GART: variants seen among roughly 807,000 people sequenced by gnomAD.
GART encodes phosphoribosylglycinamide formyltransferase, phosphoribosylglycinamide synthetase, phosphoribosylaminoimidazole synthetase.
Under a neutral mutation model 107.2 loss-of-function variants are expected in GART, and 43 were observed. The observed-to-expected ratio is 0.40, with a 90% CI of 0.31 to 0.52. The LOEUF is 0.52. GART is among the 20% of genes least tolerant of loss of function. The pLI is 0.52. For synonymous variants in GART, 434 were observed against 427.0 expected (o/e 1.02, Z -0.20); for missense variants, 1,107 against 1,206.5 (o/e 0.92, Z 1.22).
chr21:33,531,615 G>A (rs2085192627), intron 5 of GART, 58 bp from the exon 6 acceptor site: 4 of 1,435,660 alleles, frequency 2.8e-6, no homozygotes, highest in Non-Finnish European at 3.8e-6. Flanking sequence ...GTAAGTTTTT[G>A]ATACTTAGTT....
At position 33,508,952 on chromosome 21, in the gene GART, A is replaced by C. The variant is rs959605297; in HGVS notation, c.2452+831T>G. Among the ~76,000 whole-genome samples, 7 of 152,352 alleles carry C rather than the reference A, an allele frequency of 4.6e-5. No individual in the cohort carries two copies. In the East Asian group the frequency reaches 1.2e-3, roughly 25 times the overall value. On this transcript the variant is annotated intron_variant, in intron 18 of 21. Transcript: ENST00000381815. ...CCTCCAGTTCCATCCATATTGCTGC[A>C]AATGATGTGGTTTTATTCTTTTTTA... is the stretch of plus-strand genomic sequence containing the variant.
At chr21:33,507,774 G>A (rs1397426960) in intron 18 of GART, among the ~76,000 whole-genome samples, 1 of 152,182 alleles carries the variant, frequency 6.6e-6, no homozygotes, top group African/African-American at 2.4e-5. Context: ...GGAGTTTGCA[G>A]TGAGCCGAGT....
At chr21:33,538,014 G>C (rs577608983) in intron 2 of GART, among the ~76,000 whole-genome samples, 1 of 151,884 alleles carries the variant, frequency 6.6e-6, no homozygotes, top group Non-Finnish European at 1.5e-5. Flanking sequence ...AGGCTGAGGC[G>C]GGCAGATCAC....
At chr21:33,534,430 T>C in intron 4 of GART, 149 bp downstream of exon 4, 1 of 710,152 alleles carries the variant, frequency 1.4e-6, no homozygotes, top group Non-Finnish European at 2.3e-6. Context: ...GTACCCAGGC[T>C]GGTCTCTAAC....
chr21:33,514,707 A>G (rs2084845769), intron 16 of GART, among the ~76,000 whole-genome samples: 1 of 152,196 alleles, frequency 6.6e-6, no homozygotes, highest in African/African-American at 2.4e-5. Flanking sequence ...TTTCTACCCA[A>G]GGAATGTCTT....
At chr21:33,541,235 C>G (rs2145778017) in intron 1 of GART, among the ~76,000 whole-genome samples, 1 of 152,312 alleles carries the variant, frequency 6.6e-6, no homozygotes, top group East Asian at 1.9e-4. Context: ...ACCTCCGCCT[C>G]CCGGGTTCAA....
intron 10 of GART, among the ~76,000 whole-genome samples, chr21:33,525,293 T>C (rs960858844): frequency 8.5e-5 from 13 of 152,088 alleles, no homozygotes; most frequent in Admixed American, 3.9e-4. Flanking sequence ...GGAGGATCAC[T>C]TGAATTTGGG....
rs764409471 is a variant in GART at position 33,534,555 on chromosome 21, C to T, written c.416+24G>A. Reference sequence around the variant, plus strand: ...TAAATATCAAAACTAAACAACTGTCCTTCACAGACAACCATTTACCTACCT... The same window carrying T: ...TAAATATCAAAACTAAACAACTGTCTTTCACAGACAACCATTTACCTACCT... On this transcript the variant is annotated intron_variant, in intron 4 of 21. Transcript: ENST00000381815. The T allele has an allele frequency of 4.3e-6, 7 of 1,613,208 alleles. No individual in the cohort carries two copies. The East Asian group carries it at 8.9e-5, about 21-fold the overall frequency.
At chr21:33,528,077 T>C in intron 10 of GART, 90 bp downstream of exon 10, 1 of 1,243,448 alleles carries the variant, frequency 8.0e-7, no homozygotes, top group Non-Finnish European at 1.2e-6. Flanking sequence ...CACACTCTTA[T>C]CGAGAGCAAG....
chr21:33,535,540 A>G (rs1262741668), intron 2 of GART, among the ~76,000 whole-genome samples: 1 of 152,204 alleles, frequency 6.6e-6, no homozygotes, highest in African/African-American at 2.4e-5. Context: ...ATCATTGTAG[A>G]CAGATGAAAA....
intron 12 of GART, among the ~76,000 whole-genome samples, chr21:33,521,631 CAA>C (rs571421187): frequency 8.3e-4 from 45 of 54,424 alleles, no homozygotes; most frequent in African/African-American, 2.3e-3. Flanking sequence ...GACTTTGTCT[CAA>C]AAAAAAAAAA....
At position 33,531,549 on chromosome 21, in the gene GART, G is replaced by A; in HGVS notation, c.537C>T (p.Ala179=). ...KAVQEIMQEK[A]FGAAGETIVI... Reference sequence around the variant, plus strand: ...CAATTGTTTCTCCAGCTGCCCCAAAGGCTTTCTCCTGATTGTAAGATTTTT... The same window carrying A: ...CAATTGTTTCTCCAGCTGCCCCAAAAGCTTTCTCCTGATTGTAAGATTTTT... Residue 179 remains alanine, a synonymous_variant, in exon 6 of 22, where the codon GCC becomes GCT. Coordinates refer to ENST00000381815, the MANE Select transcript of GART (RefSeq NM_000819.5). 2.5e-6 allele frequency: 4 copies of A among 1,603,172 alleles called. No homozygotes were observed. Among genetic ancestry groups the A allele is most frequent in the African/African-American group, 1.4e-5 (1 of 73,786 alleles).
chr21:33,521,363 G>A (rs2084969698), intron 12 of GART, among the ~76,000 whole-genome samples: 1 of 152,062 alleles, frequency 6.6e-6, no homozygotes, highest in Non-Finnish European at 1.5e-5. Context: ...TGGGCGTGGT[G>A]GCTCACCCCT....
chr21:33,532,245 A>G (rs1354014562), intron 5 of GART, 100 bp downstream of exon 5: 2 of 803,938 alleles, frequency 2.5e-6, no homozygotes, highest in African/African-American at 1.7e-5. Flanking sequence ...ATATGTTTGC[A>G]AAATAGATTT....
At chr21:33,537,614 T>C (rs2085329657) in intron 2 of GART, among the ~76,000 whole-genome samples, 1 of 152,166 alleles carries the variant, frequency 6.6e-6, no homozygotes, top group African/African-American at 2.4e-5. Context: ...AGGAGAGATA[T>C]AATTAAGGAG....
intron 8 of GART, 30 bp from the exon 9 acceptor site, chr21:33,528,634 A>T: frequency 8.3e-7 from 1 of 1,209,772 alleles, no homozygotes; most frequent in Non-Finnish European, 1.1e-6. Flanking sequence ...AAAAAAAAAG[A>T]GAGAAAGAAA....
chr21:33,528,452 C>A, intron 9 of GART, 67 bp downstream of exon 9: 1 of 1,537,306 alleles, frequency 6.5e-7, no homozygotes, highest in Admixed American at 1.8e-5. Flanking sequence ...TACTTCCAGG[C>A]TGATAAATTC....
At chr21:33,532,194 G>A (rs994391485) in intron 5 of GART, 151 bp downstream of exon 5, 3 of 644,576 alleles carry the variant, frequency 4.7e-6, no homozygotes, top group African/African-American at 3.6e-5. Context: ...ATTTTATAGA[G>A]ATGGATTATA....
rs2085129601 is a variant in GART, at chr21:33,528,953, A to T, written c.724-16T>A. ...CATTAGAAACCTGGAGAACGTGCAG[A>T]AACAGTTAAATGTAACAGGTAACTT... is the stretch of plus-strand genomic sequence containing the variant. On this transcript the variant is annotated splice_polypyrimidine_tract_variant and intron_variant, in intron 7 of 21. Coordinates refer to ENST00000381815, the MANE Select transcript of GART (RefSeq NM_000819.5). 1 of 1,547,072 alleles carries T rather than the reference A, an allele frequency of 6.5e-7. No homozygotes were observed. The highest frequency in any genetic ancestry group is 1.4e-5 in the African/African-American group (1 of 73,534).
Sources: allele counts gnomAD v4.1 joint callset (sites outside exome capture counted in the v4.1 genomes callset), GRCh38; gene constraint gnomAD v4.1.1; transcripts MANE v1.5; gene names NCBI Gene and HGNC (gene_info 2026-07-23, HGNC 2026-07-21).